Variants in TFCP2 observed in about 807,000 individuals in gnomAD.
TFCP2 encodes alpha-globin transcription factor CP2.
Under a neutral mutation model 73.4 loss-of-function variants are expected in TFCP2, and 33 were observed. The observed-to-expected ratio is 0.45, with a 90% CI of 0.34 to 0.60. The LOEUF (loss-of-function observed/expected upper bound fraction) is 0.60. Ranked by LOEUF, TFCP2 falls within the 20% of genes least tolerant of loss-of-function variation. The pLI, the probability that TFCP2 is intolerant of heterozygous loss-of-function variation, is 0.01. For missense variants in TFCP2, 352 were observed against 604.0 expected, an observed-to-expected ratio of 0.58 and a Z score of 4.37; for synonymous variants, 193 against 211.6, an observed-to-expected ratio of 0.91 and a Z score of 0.76.
intron 9 of TFCP2, 103 bp downstream of exon 9, chr12:51,104,052 G>T: frequency 1.8e-6 from 2 of 1,128,864 alleles, no homozygotes; most frequent in Non-Finnish European, 2.7e-6. Context: ...TTTAATGAAT[G>T]AATGAATAAT....
At chr12:51,124,190 G>C (rs1267586711) in intron 1 of TFCP2, among the ~76,000 whole-genome samples, 1 of 151,928 alleles carries the variant, frequency 6.6e-6, no homozygotes, top group Non-Finnish European at 1.5e-5. Context: ...TCAATTCCTG[G>C]GTTCAAGGGA....
At chr12:51,163,382 G>A (rs758539849) in intron 1 of TFCP2, among the ~76,000 whole-genome samples, 14 of 152,164 alleles carry the variant, frequency 9.2e-5, no homozygotes, top group South Asian at 2.1e-4. Context: ...CTGAAGTTGG[G>A]AGTTCAAGAC....
At chr12:51,098,577 G>A (rs1940025711) in intron 13 of TFCP2, among the ~76,000 whole-genome samples, 199 bp downstream of exon 13, 1 of 151,792 alleles carries the variant, frequency 6.6e-6, no homozygotes, top group South Asian at 2.1e-4. Flanking sequence ...AGTGACCTGA[G>A]ATTGGGCCAC....
At chr12:51,100,392 T>A (rs1940081444) in intron 11 of TFCP2, among the ~76,000 whole-genome samples, 1 of 152,176 alleles carries the variant, frequency 6.6e-6, no homozygotes, top group Non-Finnish European at 1.5e-5. Flanking sequence ...CTCCTTCCAA[T>A]TTCTAAACAC....
chr12:51,101,643 C>T lies in TFCP2; in HGVS notation c.1151+292G>A, dbSNP rs570234065. ...AACAATGGGCACCCTGTTTTGCTCA[C>T]CAATATATTAATATTCCCAGAGCCT... is the stretch of plus-strand genomic sequence containing the variant. On this transcript the variant is annotated intron_variant, in intron 11 of 14. Coordinates refer to ENST00000257915, the MANE Select transcript of TFCP2 (RefSeq NM_005653.5). Among the ~76,000 whole-genome samples, 3 of 152,266 alleles carry T rather than the reference C, an allele frequency of 2.0e-5. No homozygotes were observed. In the East Asian group the frequency reaches 5.8e-4, roughly 29 times the overall value.
rs779842186 is a variant in TFCP2 at position 51,104,190 on chromosome 12, T to C, written c.931A>G (p.Asn311Asp). The C allele has an allele frequency of 3.7e-6, 6 of 1,613,956 alleles. No homozygotes were observed. The highest frequency in any genetic ancestry group is 3.4e-6 in the Non-Finnish European group (4 of 1,180,000). The part of the protein sequence containing the change: ...FSLGEGNGSP[N>D]HQPEPPPPVT... ...GGAGGGGGTGGCTCTGGCTGGTGGT[T>C]TGGTGAACCATTTCTAAAGAAACAT... Residue 311 changes from asparagine to aspartate, a missense_variant, in exon 9 of 15, where the codon AAC becomes GAC. By Grantham distance (23) the Asn-to-Asp change is conservative. This residue lies in a region of TFCP2 where 194 missense variants were observed against 256.3 expected (regional missense o/e 0.76). Transcript: ENST00000257915.
chr12:51,100,895 T>C (rs1053248569), intron 11 of TFCP2, among the ~76,000 whole-genome samples: 7 of 152,252 alleles, frequency 4.6e-5, no homozygotes, highest in Admixed American at 3.9e-4. Context: ...GATTTAGTTC[T>C]GTTGCCATTG....
Position 51,094,754 on chromosome 12 carries a change from T to TAA in TFCP2, c.*485_*486dup, listed in dbSNP as rs1327162010. 6.5e-6 allele frequency: 1 copy of TAA among 153,316 alleles called. No homozygotes were observed. Among genetic ancestry groups the TAA allele is most frequent in the Non-Finnish European group, 1.5e-5 (1 of 68,808 alleles). The allele number at this position is 153,316 out of a possible 1,614,324, so 9.5% of individuals were successfully genotyped here. On this transcript the variant is annotated 3_prime_UTR_variant, in exon 15 of 15. Coordinates refer to ENST00000257915, the MANE Select transcript of TFCP2 (RefSeq NM_005653.5). ...AAAATTCTGTATTTCTCCTCACTGA[T>TAA]AAAGTTTTCAGGGACAAACTGTGGC...
intron 6 of TFCP2, 30 bp downstream of exon 6, chr12:51,109,091 T>C (rs368789301): frequency 1.9e-6 from 3 of 1,605,656 alleles, no homozygotes; most frequent in South Asian, 2.2e-5. Context: ...GGTAAAAGAA[T>C]CCAAGGGCCA....
chr12:51,158,558 G>A (rs973372421), intron 1 of TFCP2, among the ~76,000 whole-genome samples: 4 of 151,706 alleles, frequency 2.6e-5, no homozygotes, highest in Admixed American at 6.6e-5. Context: ...GCACGATCTC[G>A]GCTCACTGCA....
intron 1 of TFCP2, among the ~76,000 whole-genome samples, chr12:51,145,896 G>GC (rs1483675059): frequency 6.6e-6 from 1 of 151,782 alleles, no homozygotes; most frequent in Non-Finnish European, 1.5e-5. Context: ...AGGCTGCAGT[G>GC]AGCTGTGATT....
At position 51,172,795 on chromosome 12, in the gene TFCP2, C is replaced by T; in HGVS notation, c.-373G>A. On this transcript the variant is annotated 5_prime_UTR_variant, in exon 1 of 15. Transcript: ENST00000257915. ...TCAGACCAGCAGCAGCCGCAGGAAG[C>T]CAGCCCGGCGCTCCCACGCTGCTTT... 5.5e-6 allele frequency: 1 copy of T among 180,862 alleles called. No homozygotes were observed. Among genetic ancestry groups the T allele is most frequent in the South Asian group, 1.0e-4 (1 of 9,644 alleles). 11.2% of individuals were successfully genotyped at this position (180,862 alleles called of 1,614,324 possible). A position where few individuals can be genotyped will look rare whatever the true frequency, so the allele number is the denominator to read the frequency against.
chr12:51,148,662 T>C (rs1461363062), intron 1 of TFCP2, among the ~76,000 whole-genome samples: 1 of 137,476 alleles, frequency 7.3e-6, no homozygotes, highest in Non-Finnish European at 1.5e-5. Context: ...ATTGCACCAC[T>C]GCACTCCAGC....
intron 12 of TFCP2, 24 bp from the exon 13 acceptor site, chr12:51,098,942 C>T: frequency 6.2e-7 from 1 of 1,612,466 alleles, no homozygotes; most frequent in Non-Finnish European, 8.5e-7. Context: ...AGAGCAACAG[C>T]AGTCAGTACA....
At chr12:51,118,537 G>A (rs530749385) in intron 2 of TFCP2, 84 bp downstream of exon 2, 20 of 1,507,544 alleles carry the variant, frequency 1.3e-5, no homozygotes, top group Admixed American at 7.5e-5. Flanking sequence ...CCTGGGTGAC[G>A]CCGTCTCAAA....
Position 51,098,747 on chromosome 12 carries a change from T to C in TFCP2, c.1419+29A>G, listed in dbSNP as rs2136958731. On this transcript the variant is annotated intron_variant, in intron 13 of 14. Coordinates refer to ENST00000257915, the MANE Select transcript of TFCP2 (RefSeq NM_005653.5). ...ATGCGCTGACAAATTAATCATCATCTGGTAATTCAACTGTACTGAAAAATC... is the reference window on the plus strand; with the variant it reads ...ATGCGCTGACAAATTAATCATCATCCGGTAATTCAACTGTACTGAAAAATC... The C allele has an allele frequency of 2.5e-6, 4 of 1,613,022 alleles. No homozygotes were observed. In the East Asian group the frequency reaches 8.9e-5, roughly 36 times the overall value.
At chr12:51,126,355 A>G (rs912643561) in intron 1 of TFCP2, among the ~76,000 whole-genome samples, 2 of 152,196 alleles carry the variant, frequency 1.3e-5, no homozygotes, top group African/African-American at 4.8e-5. Context: ...ATGGAGGTAT[A>G]GCAGAAAGCA....
At chr12:51,157,688 T>TTC (rs1941567703) in intron 1 of TFCP2, among the ~76,000 whole-genome samples, 1 of 93,580 alleles carries the variant, frequency 1.1e-5, no homozygotes, top group African/African-American at 4.2e-5. Context: ...TTTCTTTTCT[T>TTC]TTTTTTTTTT....
At chr12:51,154,264 C>T (rs937806253) in intron 1 of TFCP2, among the ~76,000 whole-genome samples, 2 of 152,134 alleles carry the variant, frequency 1.3e-5, no homozygotes, top group African/African-American at 4.8e-5. Flanking sequence ...TGTGTGAAAC[C>T]AGGGAGAGTA....
Sources: allele counts gnomAD v4.1 joint callset (sites outside exome capture counted in the v4.1 genomes callset), GRCh38; gene constraint gnomAD v4.1.1; regional missense constraint gnomAD v4.1.1; transcripts MANE v1.5; gene names NCBI Gene and HGNC (gene_info 2026-07-23, HGNC 2026-07-21).